GALNT13: variants seen among roughly 807,000 people sequenced by gnomAD.
The protein encoded by GALNT13 is UDP-GalNAc:polypeptide N-acetylgalactosaminyltransferase 13.
GALNT13 carries 28 observed loss-of-function variants against 64.2 expected under a neutral mutation model. That is an observed-to-expected ratio of 0.44 (90% CI 0.32 to 0.60). GALNT13 has a LOEUF of 0.60. GALNT13 is among the 20% of genes least tolerant of loss of function. The pLI, the probability that GALNT13 is intolerant of heterozygous loss-of-function variation, is 0.05. For missense variants in GALNT13, 577 were observed against 669.8 expected, an observed-to-expected ratio of 0.86 and a Z score of 1.53; for synonymous variants, 214 against 224.6, an observed-to-expected ratio of 0.95 and a Z score of 0.42.
At chr2:154,301,884 A>C (rs1559078653) in intron 9 of GALNT13, among the ~76,000 whole-genome samples, 1 of 152,090 alleles carries the variant, frequency 6.6e-6, no homozygotes, top group African/African-American at 2.4e-5. Context: ...CGAATTAAGA[A>C]TATTTTTAAA....
At chr2:153,523,328 T>C in the GALNT13 span, among the ~76,000 whole-genome samples, 1 of 152,200 alleles carries the variant, frequency 6.6e-6, no homozygotes, top group Non-Finnish European at 1.5e-5. Context: ...ATATGAACTT[T>C]AGAATCAGTC....
chr2:153,605,621 G>A, the GALNT13 span, among the ~76,000 whole-genome samples: 1 of 152,008 alleles, frequency 6.6e-6, no homozygotes, highest in Non-Finnish European at 1.5e-5. Context: ...CAGTGTGTGT[G>A]AACTCATGTC....
At chr2:154,096,282 T>C (rs1702069386) in intron 3 of GALNT13, among the ~76,000 whole-genome samples, 2 of 151,822 alleles carry the variant, frequency 1.3e-5, no homozygotes, top group South Asian at 4.1e-4. Context: ...ACTCCTCTTC[T>C]GGCTTCTGGC....
the GALNT13 span, among the ~76,000 whole-genome samples, chr2:153,089,496 C>A: frequency 6.6e-6 from 1 of 152,102 alleles, no homozygotes; most frequent in Non-Finnish European, 1.5e-5. Flanking sequence ...GTTCTTTGAG[C>A]TTCTTGTGTT....
chr2:154,215,561 C>G (rs534127419), intron 4 of GALNT13, among the ~76,000 whole-genome samples: 16 of 152,262 alleles, frequency 1.1e-4, no homozygotes, highest in African/African-American at 2.9e-4. Context: ...TCTTTTCCAG[C>G]CAATAGGTAG....
At chr2:154,441,306 T>C (rs763461698) in intron 12 of GALNT13, among the ~76,000 whole-genome samples, 3 of 152,092 alleles carry the variant, frequency 2.0e-5, no homozygotes, top group African/African-American at 4.8e-5. Flanking sequence ...GAAAGAGGAA[T>C]AATTGCTCAG....
the GALNT13 span, among the ~76,000 whole-genome samples, chr2:153,847,650 C>T: frequency 1.1e-3 from 166 of 151,882 alleles, no homozygotes; most frequent in African/African-American, 3.8e-3. Context: ...GTAATTATAA[C>T]AGAAATTAGA....
At chr2:154,050,746 G>C (rs1301223139) in intron 3 of GALNT13, among the ~76,000 whole-genome samples, 2 of 152,158 alleles carry the variant, frequency 1.3e-5, no homozygotes, top group African/African-American at 4.8e-5. Context: ...AACAAATGTA[G>C]TGAAATAGTT....
intron 4 of GALNT13, among the ~76,000 whole-genome samples, chr2:154,171,176 G>C (rs147627895): frequency 6.6e-6 from 1 of 152,090 alleles, no homozygotes; most frequent in African/African-American, 2.4e-5. Context: ...ATACATGGAG[G>C]GCTTGGAAGG....
rs563415283 is a variant in GALNT13, at chr2:154,414,507, A to T, written c.1395+5425A>T. 6.5e-3 allele frequency among the ~76,000 whole-genome samples: 968 copies of T among 149,348 alleles called. 15 individuals carry two copies. The highest frequency in any genetic ancestry group is 0.044 in the South Asian group (207 of 4,752). Reference sequence around the variant, plus strand: ...CGCAGTGGCCAACCCTGTGTATTATATTTTTTTTTTGTTTTTTATCTTTGC... The same window carrying T: ...CGCAGTGGCCAACCCTGTGTATTATTTTTTTTTTTTGTTTTTTATCTTTGC... On this transcript the variant is annotated intron_variant, in intron 11 of 12. Coordinates refer to ENST00000392825, the MANE Select transcript of GALNT13 (RefSeq NM_052917.4).
At chr2:154,312,858 T>G (rs1454571606) in intron 9 of GALNT13, among the ~76,000 whole-genome samples, 1 of 152,174 alleles carries the variant, frequency 6.6e-6, no homozygotes, top group Non-Finnish European at 1.5e-5. Flanking sequence ...GGGCTTTGTT[T>G]GTATACATGG....
the GALNT13 span, among the ~76,000 whole-genome samples, chr2:153,718,777 G>C: frequency 1.3e-5 from 2 of 152,096 alleles, no homozygotes; most frequent in African/African-American, 2.4e-5. Context: ...TTCACATTCT[G>C]CTGACCTCAC....
intron 9 of GALNT13, among the ~76,000 whole-genome samples, chr2:154,351,615 G>A (rs1438186722): frequency 5.1e-5 from 7 of 137,300 alleles, no homozygotes; most frequent in Admixed American, 2.5e-4. Context: ...CCCTGGAGGC[G>A]GAGTTTGCAG....
chr2:154,026,904 C>G (rs959067537), intron 3 of GALNT13, among the ~76,000 whole-genome samples: 1 of 151,990 alleles, frequency 6.6e-6, no homozygotes, highest in Non-Finnish European at 1.5e-5. Context: ...TACACCCAAT[C>G]GAGCATCCGG....
chr2:154,011,313 T>A (rs1040091641), intron 3 of GALNT13, among the ~76,000 whole-genome samples: 1 of 152,180 alleles, frequency 6.6e-6, no homozygotes, highest in Non-Finnish European at 1.5e-5. Context: ...ATTCTTGATT[T>A]CTGCCTTAAT....
chr2:153,689,023 TG>T, the GALNT13 span, among the ~76,000 whole-genome samples: 1 of 142,882 alleles, frequency 7.0e-6, no homozygotes, highest in Non-Finnish European at 1.5e-5. Flanking sequence ...TGTGTGTGTG[TG>T]TGTGTGTGTG....
intron 3 of GALNT13, among the ~76,000 whole-genome samples, chr2:154,024,093 G>A (rs1697751986): frequency 6.6e-6 from 1 of 152,118 alleles, no homozygotes; most frequent in African/African-American, 2.4e-5. Context: ...TCCCTTTGTG[G>A]GTAACCCGAC....
chr2:153,317,499 T>A, the GALNT13 span, among the ~76,000 whole-genome samples: 1 of 152,180 alleles, frequency 6.6e-6, no homozygotes, highest in Non-Finnish European at 1.5e-5. Flanking sequence ...TGGTTTCTGA[T>A]TCTTTTAAAT....
the GALNT13 span, among the ~76,000 whole-genome samples, chr2:153,374,581 A>G: frequency 6.6e-6 from 1 of 152,184 alleles, no homozygotes; most frequent in South Asian, 2.1e-4. Flanking sequence ...TAATAGACCT[A>G]TCTATTAAAT....
Sources: allele counts gnomAD v4.1 joint callset (sites outside exome capture counted in the v4.1 genomes callset), GRCh38; gene constraint gnomAD v4.1.1; transcripts MANE v1.5; gene names NCBI Gene and HGNC (gene_info 2026-07-23, HGNC 2026-07-21).